Variants in SAMSN1 observed in about 807,000 individuals in gnomAD.
SAMSN1 encodes the protein SAM domain-containing protein SAMSN-1.
A neutral mutation model predicts 42.0 loss-of-function variants in SAMSN1; 31 were observed. That is an observed-to-expected ratio of 0.74 (90% CI 0.55 to 1.00). SAMSN1 has a LOEUF of 1.00. SAMSN1 is among the 50% of genes least tolerant of loss of function. The probability of loss-of-function intolerance (pLI) is 0.00; values close to 1 mark genes in which losing one functional copy is unlikely to be tolerated. For missense variants in SAMSN1, 464 were observed against 439.4 expected, an observed-to-expected ratio of 1.06 and a Z score of -0.50; for synonymous variants, 178 against 151.9, an observed-to-expected ratio of 1.17 and a Z score of -1.26.
At chr21:14,613,318 C>A (rs566367957) in intron 3 of SAMSN1, among the ~76,000 whole-genome samples, 2 of 152,092 alleles carry the variant, frequency 1.3e-5, no homozygotes, top group Non-Finnish European at 2.9e-5. Flanking sequence ...GGAAAATAAT[C>A]ATCAATTATT....
intron 7 of SAMSN1, among the ~76,000 whole-genome samples, chr21:14,588,475 A>G (rs1178389461): frequency 1.3e-5 from 2 of 149,874 alleles, no homozygotes; most frequent in African/African-American, 4.9e-5. Context: ...TGTGGTTTTG[A>G]TTTGCATTTC....
chr21:14,609,451 C>T (rs1335663110), intron 5 of SAMSN1: 12 of 716,524 alleles, frequency 1.7e-5, no homozygotes, highest in Non-Finnish European at 2.9e-5. Context: ...TGGGAAAATG[C>T]AAAGTCAGCT....
intron 7 of SAMSN1, among the ~76,000 whole-genome samples, chr21:14,493,877 G>C (rs983234986): frequency 6.6e-6 from 1 of 152,088 alleles, no homozygotes; most frequent in Non-Finnish European, 1.5e-5. Flanking sequence ...TGCTGGTCTT[G>C]CTGGGATTGC....
In SAMSN1 at chr21:14,536,110, G is replaced by A. The variant is rs549416550; in HGVS notation, c.57+10095C>T. ...ACTAAGAAGCTAATATGAATGTCTT[G>A]TTTCTGAAAGTTCATCGAAATCTTT... On this transcript the variant is annotated intron_variant, in intron 1 of 7. Coordinates refer to ENST00000400566, the MANE Select transcript of SAMSN1 (RefSeq NM_022136.5). Among the ~76,000 whole-genome samples the A allele has an allele frequency of 3.3e-5, 5 of 152,270 alleles. No homozygotes were observed. The South Asian group carries it at 8.3e-4, about 25-fold the overall frequency.
At chr21:14,599,058 A>G (rs1365366058) in intron 6 of SAMSN1, among the ~76,000 whole-genome samples, 2 of 152,182 alleles carry the variant, frequency 1.3e-5, no homozygotes, top group African/African-American at 4.8e-5. Context: ...ATAAAGTCAA[A>G]ATCATGAGAT....
chr21:14,565,754 G>C (rs1981098484), intron 2 of SAMSN1, among the ~76,000 whole-genome samples: 2 of 152,060 alleles, frequency 1.3e-5, no homozygotes, highest in Non-Finnish European at 2.9e-5. Context: ...AAAGTCTAGT[G>C]GTCTTTCCGT....
chr21:14,609,162 T>C lies in SAMSN1; in HGVS notation c.322+320A>G, dbSNP rs569217798. On this transcript the variant is annotated intron_variant, in intron 5 of 15. Coordinates refer to the SAMSN1 transcript ENST00000647101. ...AGTTTTCTCGTGCTCTAATTTTTAA[T>C]ATATTTTCAAATTTTTTGTACATTA... Among the ~76,000 whole-genome samples the C allele has an allele frequency of 2.8e-3, 430 of 152,244 alleles. 1 individual carries two copies. The highest frequency in any genetic ancestry group is 9.8e-3 in the African/African-American group (406 of 41,560).
rs188991277 is a variant in SAMSN1 at position 14,596,217 on chromosome 21, T to C, written c.400-2139A>G. 3.5e-3 allele frequency among the ~76,000 whole-genome samples: 531 copies of C among 151,944 alleles called. 2 individuals are homozygous for C. Among genetic ancestry groups the C allele is most frequent in the Middle Eastern group, 0.014 (4 of 294 alleles). ...CCGGAAACAAGAGATTTGCATTCCA[T>C]TTTAATAACCTGTTTCTTTAATACC... On this transcript the variant is annotated intron_variant, in intron 6 of 15. Transcript: ENST00000647101.
intron 3 of SAMSN1, among the ~76,000 whole-genome samples, chr21:14,515,143 A>G (rs1175722083): frequency 6.6e-6 from 1 of 152,192 alleles, no homozygotes; most frequent in Non-Finnish European, 1.5e-5. Context: ...GAAAAGTAGT[A>G]AGGAGAAAGA....
chr21:14,500,354 C>T (rs912856227), intron 6 of SAMSN1, among the ~76,000 whole-genome samples, 175 bp downstream of exon 6: 5 of 152,176 alleles, frequency 3.3e-5, no homozygotes, highest in African/African-American at 1.2e-4. Flanking sequence ...TATATCAAGA[C>T]TTGTCCTTGC....
At chr21:14,644,557 G>A (rs146826027) in intron 1 of SAMSN1, among the ~76,000 whole-genome samples, 1 of 152,288 alleles carries the variant, frequency 6.6e-6, no homozygotes, top group East Asian at 1.9e-4. Flanking sequence ...GAAAGCCTCT[G>A]AGACTTAGTG....
chr21:14,657,372 C>T (rs910896045), intron 1 of SAMSN1, among the ~76,000 whole-genome samples: 6 of 151,730 alleles, frequency 4.0e-5, no homozygotes, highest in African/African-American at 1.5e-4. Flanking sequence ...ATATTGAGTC[C>T]ATGAGTCAGG....
At chr21:14,583,463 G>A (rs1188428043), upstream of SAMSN1, 5 of 532,588 alleles carry the variant, frequency 9.4e-6, no homozygotes, top group Admixed American at 6.9e-5. Flanking sequence ...GAAACGGGGC[G>A]GTGCATAAAT....
chr21:14,540,365 A>G (rs1204219566), intron 1 of SAMSN1, among the ~76,000 whole-genome samples: 1 of 152,118 alleles, frequency 6.6e-6, no homozygotes, highest in African/African-American at 2.4e-5. Context: ...AACCTACAGA[A>G]TGGGAGAAAA....
chr21:14,560,073 G>C (rs1190634989), intron 2 of SAMSN1, among the ~76,000 whole-genome samples: 2 of 152,166 alleles, frequency 1.3e-5, no homozygotes, highest in African/African-American at 4.8e-5. Context: ...GATCAACAGA[G>C]AGTGAGAATC....
intron 7 of SAMSN1, among the ~76,000 whole-genome samples, chr21:14,486,991 G>T (rs373907902): frequency 1.8e-4 from 27 of 152,144 alleles, no homozygotes; most frequent in African/African-American, 6.5e-4. Context: ...CTCTGTCCAT[G>T]TGGTTTCTTG....
intron 1 of SAMSN1, among the ~76,000 whole-genome samples, chr21:14,648,017 C>A (rs1440858814): frequency 6.7e-6 from 1 of 149,446 alleles, no homozygotes; most frequent in East Asian, 2.0e-4. Context: ...GAACTTCCAA[C>A]ACTATGTTGA....
intron 2 of SAMSN1, among the ~76,000 whole-genome samples, chr21:14,638,034 C>A (rs1001126190): frequency 2.0e-5 from 3 of 152,134 alleles, no homozygotes; most frequent in African/African-American, 7.2e-5. Context: ...TTCCCCTTAA[C>A]ATTCCCCCAC....
rs569307656 is a variant in SAMSN1, at chr21:14,502,228, C to G, written c.562-1493G>C. Among the ~76,000 whole-genome samples, 14 of 150,384 alleles carry G rather than the reference C, an allele frequency of 9.3e-5. No homozygotes were observed. The South Asian group carries it at 2.9e-3, about 31-fold the overall frequency. On this transcript the variant is annotated intron_variant, in intron 5 of 7. Coordinates refer to ENST00000400566, the MANE Select transcript of SAMSN1 (RefSeq NM_022136.5). ...ACTAACTGGTCTATCTTGTGATCAT[C>G]TGTCTGTCTAGTCCTGTGATCTGTT...
Sources: gnomAD v4.1 joint callset for allele counts (sites outside exome capture counted in the v4.1 genomes callset) on GRCh38, gnomAD v4.1.1 for gene constraint, MANE v1.5 for transcripts, NCBI Gene and HGNC (gene_info 2026-07-23, HGNC 2026-07-21) for gene names.